FBLN5: variants seen among roughly 807,000 people sequenced by gnomAD.
The protein encoded by FBLN5 is fibulin 5, also known as fibulin-5.
A neutral mutation model predicts 61.6 loss-of-function variants in FBLN5; 24 were observed. That is an observed-to-expected ratio of 0.39 (90% CI 0.28 to 0.55). FBLN5 has a LOEUF of 0.55. FBLN5 is among the 20% of genes least tolerant of loss of function. FBLN5 has a pLI of 0.65. For missense variants in FBLN5, 470 were observed against 594.1 expected, an observed-to-expected ratio of 0.79 and a Z score of 2.17; for synonymous variants, 213 against 219.8, an observed-to-expected ratio of 0.97 and a Z score of 0.27.
intron 5 of FBLN5, among the ~76,000 whole-genome samples, chr14:91,894,091 C>A (rs1890106245): frequency 6.6e-6 from 1 of 152,194 alleles, no homozygotes. Flanking sequence ...ACATCCAAAA[C>A]CATAGCCCTT....
In FBLN5 at chr14:91,883,061, C is replaced by G. The variant is rs370182440; in HGVS notation, c.755G>C (p.Ser252Thr). 1.2e-5 allele frequency: 19 copies of G among 1,613,904 alleles called. No homozygotes were observed. The highest frequency in any genetic ancestry group is 1.4e-5 in the Non-Finnish European group (17 of 1,179,904). Reference protein sequence around the residue: ...GVHCSDMDECSFSEFLCQHEC... With the variant: ...GVHCSDMDECTFSEFLCQHEC... ...ATGTTGGCAGAGGAACTCAGAGAAG[C>G]TGCACTCGTCCATATCTGGGGTGAC... The change falls in exon 8 of 11, where the codon AGC becomes ACC. Residue 252 changes from serine to threonine, a missense_variant. By Grantham distance (58) the Ser-to-Thr change is moderately conservative. Transcript: ENST00000342058.
chr14:91,914,635 A>G (rs1468693990), intron 4 of FBLN5, among the ~76,000 whole-genome samples: 1 of 152,012 alleles, frequency 6.6e-6, no homozygotes, highest in Non-Finnish European at 1.5e-5. Flanking sequence ...CTCTCGAAAA[A>G]ATAAAAAAAG....
Position 91,943,040 on chromosome 14 carries a change from A to C in FBLN5, c.18-79T>G. 3.2e-6 allele frequency: 3 copies of C among 933,878 alleles called. No homozygotes were observed. The South Asian group carries it at 4.2e-5, about 13-fold the overall frequency. 57.8% of individuals were successfully genotyped at this position (933,878 alleles called of 1,614,324 possible). ...GAGTGTGGGTCGCATGCGGCCCGTGACGTGTAACGGTGATATCACCTTGGG... is the reference window on the plus strand; with the variant it reads ...GAGTGTGGGTCGCATGCGGCCCGTGCCGTGTAACGGTGATATCACCTTGGG... On this transcript the variant is annotated intron_variant, in intron 1 of 10. Coordinates refer to ENST00000342058, the MANE Select transcript of FBLN5 (RefSeq NM_006329.4). This position sits in a 1 kb window ranked among gnomAD's most constrained non-coding sequence, Gnocchi z 4.0.
chr14:91,926,998 A>G (rs1391815727), intron 4 of FBLN5, among the ~76,000 whole-genome samples: 1 of 152,198 alleles, frequency 6.6e-6, no homozygotes, highest in Non-Finnish European at 1.5e-5. Context: ...ATCTAAGCCC[A>G]TGCTCGTTCC....
At chr14:91,887,031 T>C (rs145325609) in intron 7 of FBLN5, among the ~76,000 whole-genome samples, 162 bp downstream of exon 7, 77 of 152,272 alleles carry the variant, frequency 5.1e-4, no homozygotes, top group African/African-American at 1.3e-3. Context: ...AAGTGACTCA[T>C]CTCTGTTCTG....
intron 4 of FBLN5, among the ~76,000 whole-genome samples, chr14:91,931,256 C>G (rs1042955463): frequency 7.9e-5 from 12 of 152,184 alleles, no homozygotes; most frequent in African/African-American, 2.9e-4. Flanking sequence ...TCATCAGAGG[C>G]CGTCTTGAAT....
intron 4 of FBLN5, among the ~76,000 whole-genome samples, chr14:91,899,143 C>T (rs1053437433): frequency 2.0e-5 from 3 of 149,926 alleles, no homozygotes; most frequent in African/African-American, 2.4e-5. Flanking sequence ...GCTGTGTGTT[C>T]GTGTGTGTGT....
intron 4 of FBLN5, among the ~76,000 whole-genome samples, chr14:91,925,979 A>C (rs2055820801): frequency 6.6e-6 from 1 of 152,096 alleles, no homozygotes; most frequent in Non-Finnish European, 1.5e-5. Flanking sequence ...TGAGTGAGGA[A>C]GGCAGTGGCG....
In FBLN5 at chr14:91,947,655, T is replaced by G; in HGVS notation, c.-426A>C. On this transcript the variant is annotated 5_prime_UTR_variant, in exon 1 of 11. Coordinates refer to ENST00000342058, the MANE Select transcript of FBLN5 (RefSeq NM_006329.4). This position sits in a 1 kb window ranked among gnomAD's most constrained non-coding sequence, Gnocchi z 4.3. The stretch of plus-strand genomic sequence containing the variant: ...TGCTCGGCGCTGGGAGGAGAGCCCT[T>G]CCCCGGCCGCGCTCGGCTGCGAGCG... 1 of 162,246 alleles carries G rather than the reference T, an allele frequency of 6.2e-6. No homozygotes were observed. The highest frequency in any genetic ancestry group is 1.3e-5 in the Non-Finnish European group (1 of 74,508). The allele number at this position is 162,246 out of a possible 1,614,324, so 10.1% of individuals were successfully genotyped here.
At chr14:91,911,949 CT>C (rs1890964102) in intron 4 of FBLN5, among the ~76,000 whole-genome samples, 1 of 152,222 alleles carries the variant, frequency 6.6e-6, no homozygotes, top group Admixed American at 6.5e-5. Context: ...TCTGATGTTA[CT>C]TTAAAAAGCA....
In FBLN5 at chr14:91,882,953, C is replaced by T; in HGVS notation, c.862+1G>A. 1 of 1,613,856 alleles carries T rather than the reference C, an allele frequency of 6.2e-7. No individual in the cohort carries two copies. The highest frequency in any genetic ancestry group is 8.5e-7 in the Non-Finnish European group (1 of 1,179,806). On this transcript the variant is annotated splice_donor_variant, in intron 8 of 10. Transcript: ENST00000342058. LOFTEE classifies it high-confidence loss of function. The surrounding 1 kb of genome is among the most constrained non-coding windows in gnomAD (Gnocchi z 4.9). ...AGCCAGGCCCCTCCGGACAGCCTTA[C>T]CTTGGCAGCTTCGGTTGTCATCCAG... is the stretch of plus-strand genomic sequence containing the variant.
chr14:91,939,696 G>A (rs2056077517), intron 3 of FBLN5, among the ~76,000 whole-genome samples: 1 of 152,088 alleles, frequency 6.6e-6, no homozygotes, highest in East Asian at 1.9e-4. Flanking sequence ...CTCTTCTTTT[G>A]CAGAGTCCAT....
At chr14:91,902,215 C>T (rs1890480571) in intron 4 of FBLN5, among the ~76,000 whole-genome samples, 1 of 151,878 alleles carries the variant, frequency 6.6e-6, no homozygotes, top group Non-Finnish European at 1.5e-5. Flanking sequence ...TCAAGATGTC[C>T]TGAGAGGAAG....
At chr14:91,883,664 A>AAAAAAAAAACAC (rs758858453) in intron 7 of FBLN5, among the ~76,000 whole-genome samples, 3 of 148,396 alleles carry the variant, frequency 2.0e-5, no homozygotes, top group South Asian at 2.1e-4. Context: ...AAACAAAAAA[A>AAAAAAAAAACAC]ACACACACAC....
chr14:91,906,563 T>C (rs931597008), intron 4 of FBLN5, among the ~76,000 whole-genome samples: 1 of 152,208 alleles, frequency 6.6e-6, no homozygotes, highest in Non-Finnish European at 1.5e-5. Context: ...TGGTAAGAGA[T>C]ACAATGACAT....
At chr14:91,917,575 C>CAAAAAAAAAAAAAAAAAAAAA (rs34458933) in intron 4 of FBLN5, among the ~76,000 whole-genome samples, 1 of 63,468 alleles carries the variant, frequency 1.6e-5, no homozygotes, top group Non-Finnish European at 2.7e-5. Context: ...GACTCCATCT[C>CAAAAAAAAAAAAAAAAAAAAA]AAAAAAAAAA....
chr14:91,924,546 G>A (rs2055793787), intron 4 of FBLN5, among the ~76,000 whole-genome samples: 1 of 151,756 alleles, frequency 6.6e-6, no homozygotes. Flanking sequence ...AAAATAGCTG[G>A]TAGCACACAC....
In FBLN5 at chr14:91,881,281, C is replaced by A. The variant is rs771276313; in HGVS notation, c.989+11G>T. The A allele has an allele frequency of 1.2e-6, 2 of 1,613,974 alleles. No homozygotes were observed. Among genetic ancestry groups the A allele is most frequent in the African/African-American group, 1.3e-5 (1 of 75,018 alleles). On this transcript the variant is annotated intron_variant, in intron 9 of 10. Transcript: ENST00000342058. ...CAGGTTTCTATTCCCCAGGGGGACG[C>A]CGTGACTTACTTATCACTGATCCTC... is the stretch of plus-strand genomic sequence containing the variant.
intron 5 of FBLN5, among the ~76,000 whole-genome samples, chr14:91,894,056 C>T (rs1890104780): frequency 6.6e-6 from 1 of 152,184 alleles, no homozygotes; most frequent in Admixed American, 6.5e-5. Flanking sequence ...GGAAGAAAGT[C>T]AAGGTAAAAT....
Sources: allele counts gnomAD v4.1 joint callset (sites outside exome capture counted in the v4.1 genomes callset), GRCh38; gene constraint gnomAD v4.1.1; non-coding constraint Gnocchi (gnomAD v3.1); transcripts MANE v1.5; gene names NCBI Gene and HGNC (gene_info 2026-07-23, HGNC 2026-07-21).